The following PLOD2 variants were observed in gnomAD, a reference collection of about 807,000 sequenced individuals.
PLOD2 encodes the protein procollagen-lysine,2-oxoglutarate 5-dioxygenase 2.
In PLOD2, 65 loss-of-function variants were observed where a neutral mutation model predicts 101.0. The observed-to-expected ratio is 0.64, with a 90% CI of 0.53 to 0.79. PLOD2 has a LOEUF of 0.79. PLOD2 is among the 30% of genes least tolerant of loss of function. PLOD2 has a pLI of 0.00. For missense variants in PLOD2, 909 were observed against 914.6 expected (o/e 0.99, Z 0.08); for synonymous variants, 314 against 302.9 (o/e 1.04, Z -0.38).
At chr3:146,102,983 C>A in intron 6 of PLOD2, 131 bp from the exon 7 acceptor site, 2 of 616,262 alleles carry the variant, frequency 3.2e-6, no homozygotes, top group South Asian at 3.5e-5. Context: ...ATTCCAAGTG[C>A]TACAACACTT....
intron 1 of PLOD2, among the ~76,000 whole-genome samples, chr3:146,156,077 C>A (rs1313505683): frequency 1.3e-5 from 2 of 152,160 alleles, no homozygotes; most frequent in Non-Finnish European, 2.9e-5. Context: ...CTACTTACAC[C>A]AAAGAACATG....
intron 1 of PLOD2, among the ~76,000 whole-genome samples, chr3:146,136,270 T>C (rs566755284): frequency 2.0e-5 from 3 of 152,258 alleles, no homozygotes; most frequent in African/African-American, 7.2e-5. Context: ...AATGAAATAC[T>C]GAACCTGATG....
At chr3:146,131,466 C>T (rs1017593004) in intron 1 of PLOD2, among the ~76,000 whole-genome samples, 1 of 152,004 alleles carries the variant, frequency 6.6e-6, no homozygotes, top group Non-Finnish European at 1.5e-5. Context: ...TACTCAGAGG[C>T]GAAGCTAGAG....
At chr3:146,133,561 G>A (rs2031051213) in intron 1 of PLOD2, among the ~76,000 whole-genome samples, 1 of 152,078 alleles carries the variant, frequency 6.6e-6, no homozygotes, top group African/African-American at 2.4e-5. Flanking sequence ...AACATGATAA[G>A]CAGTTAAAAA....
chr3:146,133,184 A>G (rs1707472), intron 1 of PLOD2, among the ~76,000 whole-genome samples: 77,901 of 151,940 alleles, frequency 0.51, 20,135 homozygotes, highest in African/African-American at 0.58. Flanking sequence ...TCAAAAAAAT[A>G]AAAATAAAAG....
rs1258559630 is a variant in PLOD2 at position 146,110,568 on chromosome 3, G to A, written c.339-120C>T. The A allele has an allele frequency of 9.8e-6, 7 of 711,556 alleles. No homozygotes were observed. In the African/African-American group the frequency reaches 1.1e-4, roughly 11 times the overall value. 44.1% of individuals were successfully genotyped at this position (711,556 alleles called of 1,614,324 possible). A position where few individuals can be genotyped will look rare whatever the true frequency, so the allele number is the denominator to read the frequency against. On this transcript the variant is annotated intron_variant, in intron 3 of 19. Coordinates refer to ENST00000282903, the MANE Select transcript of PLOD2 (RefSeq NM_182943.3). ...AATACAATGCAAGATTAATACCTGT[G>A]CCAACTATTTACACAGAACACCAAA...
At chr3:146,147,358 G>A (rs960477355) in intron 1 of PLOD2, among the ~76,000 whole-genome samples, 3 of 152,196 alleles carry the variant, frequency 2.0e-5, no homozygotes, top group African/African-American at 4.8e-5. Context: ...ACTGGATAGT[G>A]AGGAATCCAG....
chr3:146,094,532 G>T (rs1937082783), intron 7 of PLOD2, among the ~76,000 whole-genome samples: 2 of 152,246 alleles, frequency 1.3e-5, no homozygotes, highest in Middle Eastern at 3.4e-3. Flanking sequence ...TACGAGGGAC[G>T]TGAAGGATCT....
intron 7 of PLOD2, among the ~76,000 whole-genome samples, chr3:146,096,883 G>C (rs1474477381): frequency 4.2e-5 from 2 of 48,038 alleles, no homozygotes; most frequent in African/African-American, 1.9e-4. Flanking sequence ...AGGGAGGTGG[G>C]GGGGGGGAGT....
At chr3:146,123,526 A>AC (rs35329274) in intron 2 of PLOD2, among the ~76,000 whole-genome samples, 96 of 150,306 alleles carry the variant, frequency 6.4e-4, no homozygotes, top group Middle Eastern at 3.4e-3. Flanking sequence ...AAACAAACAA[A>AC]AAAAGCAAAA....
intron 7 of PLOD2, among the ~76,000 whole-genome samples, chr3:146,100,916 G>T (rs151333762): frequency 1.3e-5 from 2 of 152,186 alleles, no homozygotes; most frequent in Non-Finnish European, 2.9e-5. Context: ...GCTGCTGGGG[G>T]TGTGATTGCT....
chr3:146,124,102 T>G, intron 2 of PLOD2, 36 bp downstream of exon 2: 1 of 1,041,956 alleles, frequency 9.6e-7, no homozygotes, highest in Non-Finnish European at 1.5e-6. Context: ...TAGGCACACA[T>G]TATAGGATCT....
chr3:146,083,313 A>C (rs935868064), intron 11 of PLOD2, among the ~76,000 whole-genome samples: 7 of 152,280 alleles, frequency 4.6e-5, no homozygotes, highest in African/African-American at 1.7e-4. Context: ...AAGAGGAAAA[A>C]AGAGAGCTGA....
intron 1 of PLOD2, among the ~76,000 whole-genome samples, chr3:146,136,428 G>C (rs1237098010): frequency 6.6e-6 from 1 of 152,100 alleles, no homozygotes; most frequent in East Asian, 1.9e-4. Context: ...TTTACTTCTT[G>C]CATAAAATTA....
chr3:146,158,352 TAA>T (rs2032402692), intron 1 of PLOD2, among the ~76,000 whole-genome samples: 1 of 152,130 alleles, frequency 6.6e-6, no homozygotes, highest in South Asian at 2.1e-4. Flanking sequence ...ATGCTAAGAA[TAA>T]AGTGGCAACC....
At chr3:146,093,005 A>T (rs1937028803) in intron 7 of PLOD2, among the ~76,000 whole-genome samples, 1 of 152,162 alleles carries the variant, frequency 6.6e-6, no homozygotes, top group Non-Finnish European at 1.5e-5. Context: ...TGGAAAGGTA[A>T]AATGAAATCA....
At chr3:146,098,858 T>C (rs534059638) in intron 7 of PLOD2, among the ~76,000 whole-genome samples, 78 of 152,108 alleles carry the variant, frequency 5.1e-4, no homozygotes, top group Non-Finnish European at 9.1e-4. Flanking sequence ...CAAAAAATCC[T>C]TCCACCTTTT....
At chr3:146,158,382 CA>C (rs1305892217) in intron 1 of PLOD2, among the ~76,000 whole-genome samples, 1 of 152,146 alleles carries the variant, frequency 6.6e-6, no homozygotes, top group African/African-American at 2.4e-5. Flanking sequence ...ATCAATACAG[CA>C]CACAGAACTC....
intron 3 of PLOD2, among the ~76,000 whole-genome samples, chr3:146,116,729 A>G (rs1487222834): frequency 1.3e-5 from 2 of 152,156 alleles, no homozygotes; most frequent in Non-Finnish European, 2.9e-5. Context: ...TTAATGATAT[A>G]AGCCATGCAC....
Sources: gnomAD v4.1 joint callset for allele counts (sites outside exome capture counted in the v4.1 genomes callset) on GRCh38, gnomAD v4.1.1 for gene constraint, MANE v1.5 for transcripts, NCBI Gene and HGNC (gene_info 2026-07-23, HGNC 2026-07-21) for gene names.